Variants in SLC25A42 observed in about 807,000 individuals in gnomAD.
SLC25A42 encodes solute carrier family 25 member 42.
SLC25A42 carries 19 observed loss-of-function variants against 34.7 expected under a neutral mutation model. That is an observed-to-expected ratio of 0.55 (90% CI 0.38 to 0.80). The LOEUF (loss-of-function observed/expected upper bound fraction) is 0.80, where lower values mean the gene tolerates loss of function less well. Among genes scored for constraint, SLC25A42 ranks in the 30% least tolerant of loss-of-function variants. SLC25A42 has a pLI of 0.00. For synonymous variants in SLC25A42, 205 were observed against 191.2 expected (o/e 1.07, Z -0.59); for missense variants, 364 against 441.3 (o/e 0.82, Z 1.57).
At chr19:19,064,804 C>A (rs1204211773) in intron 1 of SLC25A42, among the ~76,000 whole-genome samples, 1 of 151,894 alleles carries the variant, frequency 6.6e-6, no homozygotes, top group African/African-American at 2.4e-5. Flanking sequence ...TCCCCCAGGT[C>A]CTCCAATAGT....
Position 19,081,977 on chromosome 19 carries a change from GGAGT to G in SLC25A42, c.-34-14111_-34-14108del, listed in dbSNP as rs2059684065. Among the ~76,000 whole-genome samples the G allele has an allele frequency of 6.6e-6, 1 of 152,142 alleles. No homozygotes were observed. The highest frequency in any genetic ancestry group is 6.5e-5 in the Admixed American group (1 of 15,272). On this transcript the variant is annotated intron_variant, in intron 1 of 7. Transcript: ENST00000318596. The surrounding 1 kb of genome is among the most constrained non-coding windows in gnomAD (Gnocchi z 4.5). ...GCAAGTCTGGGTACACGTTGTCATG[GGAGT>G]GATTGGCCTCCTGGGACCACTCCCA...
intron 6 of SLC25A42, chr19:19,106,658 CACGGTG>C (rs1187303721): frequency 1.3e-5 from 3 of 236,168 alleles, no homozygotes; most frequent in Non-Finnish European, 2.5e-5. Flanking sequence ...TACGGCCGGG[CACGGTG>C]GCTCACGCCT....
intron 5 of SLC25A42, 36 bp downstream of exon 5, chr19:19,105,763 C>T: frequency 1.4e-6 from 2 of 1,474,978 alleles, no homozygotes; most frequent in Non-Finnish European, 1.8e-6. Context: ...AGAATCGCCC[C>T]GCCCACGCCC....
At chr19:19,096,254 T>TGCGCCCCCCCCCCCCC in intron 2 of SLC25A42, 49 bp downstream of exon 2, 1 of 1,456,752 alleles carries the variant, frequency 6.9e-7, no homozygotes, top group Middle Eastern at 2.4e-4. Context: ...GGCCCCAGCC[T>TGCGCCCCCCCCCCCCC]CCCCACCCCC....
chr19:19,105,774 G>T (rs1364758335), intron 5 of SLC25A42, 47 bp downstream of exon 5: 21 of 1,112,828 alleles, frequency 1.9e-5, no homozygotes, highest in South Asian at 1.7e-4. Context: ...GCCCACGCCC[G>T]CCCCTCTCTC....
chr19:19,107,153 A>G (rs570600048), intron 6 of SLC25A42, among the ~76,000 whole-genome samples: 1 of 151,626 alleles, frequency 6.6e-6, no homozygotes, highest in Non-Finnish European at 1.5e-5. Context: ...CCCCATCTCT[A>G]CAAAAACTGA....
intron 1 of SLC25A42, among the ~76,000 whole-genome samples, chr19:19,088,528 C>T (rs562204065): frequency 1.3e-5 from 2 of 151,626 alleles, no homozygotes; most frequent in East Asian, 3.9e-4. Context: ...TCACTCTGGT[C>T]ACCCAGGCTG....
At chr19:19,099,644 G>A (rs1281531266) in intron 2 of SLC25A42, among the ~76,000 whole-genome samples, 2 of 152,138 alleles carry the variant, frequency 1.3e-5, no homozygotes, top group African/African-American at 2.4e-5. Flanking sequence ...TTACACCTGA[G>A]TAGTGCGCCA....
intron 1 of SLC25A42, among the ~76,000 whole-genome samples, chr19:19,093,636 T>C (rs923899777): frequency 6.6e-6 from 1 of 152,254 alleles, no homozygotes; most frequent in South Asian, 2.1e-4. Flanking sequence ...GGAGCAGTGG[T>C]CAGGGCTGCT....
intron 2 of SLC25A42, among the ~76,000 whole-genome samples, chr19:19,100,838 T>A (rs2059792694): frequency 6.6e-6 from 1 of 152,334 alleles, no homozygotes; most frequent in East Asian, 1.9e-4. Flanking sequence ...CGCAGATTCC[T>A]GGGAGTCACT....
chr19:19,106,557 G>C, intron 6 of SLC25A42, 172 bp downstream of exon 6: 1 of 534,852 alleles, frequency 1.9e-6, no homozygotes, highest in South Asian at 2.4e-5. Flanking sequence ...GCAGCAATTT[G>C]TTCTCTTAGC....
intron 1 of SLC25A42, among the ~76,000 whole-genome samples, chr19:19,078,275 T>C (rs761154793): frequency 8.5e-5 from 13 of 152,162 alleles, no homozygotes; most frequent in Non-Finnish European, 1.6e-4. Context: ...TGTGTCTCCC[T>C]ACAAGCACAG....
chr19:19,103,868 C>T (rs918935574), intron 3 of SLC25A42, among the ~76,000 whole-genome samples: 1 of 151,164 alleles, frequency 6.6e-6, no homozygotes, highest in Non-Finnish European at 1.5e-5. Flanking sequence ...AGCTGGCAGG[C>T]CTTCGAAAGG....
chr19:19,090,781 C>T (rs1043060239), intron 1 of SLC25A42, among the ~76,000 whole-genome samples: 3 of 152,216 alleles, frequency 2.0e-5, no homozygotes, highest in Non-Finnish European at 4.4e-5. Flanking sequence ...CCTCCAGGTA[C>T]AGGGGAGGCA....
chr19:19,089,064 C>G (rs2145910734), intron 1 of SLC25A42, among the ~76,000 whole-genome samples: 1 of 152,022 alleles, frequency 6.6e-6, no homozygotes, highest in African/African-American at 2.4e-5. Flanking sequence ...CTCCTTGGCC[C>G]AAAGTGCTGG....
chr19:19,083,920 C>A (rs1599672124), intron 1 of SLC25A42, among the ~76,000 whole-genome samples: 1 of 151,360 alleles, frequency 6.6e-6, no homozygotes, highest in Admixed American at 6.6e-5. Flanking sequence ...ACCTCCTGGG[C>A]CCTGCACACA....
chr19:19,074,961 G>A (rs2059649036), intron 1 of SLC25A42, among the ~76,000 whole-genome samples: 1 of 151,974 alleles, frequency 6.6e-6, no homozygotes, highest in Admixed American at 6.6e-5. Context: ...GACCAGCCTG[G>A]GCAGCGTAGC....
intron 2 of SLC25A42, 49 bp downstream of exon 2, chr19:19,096,254 T>TCGCCCCCCCCCCCCCCCCCCCCCCCCC: frequency 1.4e-6 from 2 of 1,456,748 alleles, no homozygotes; most frequent in Non-Finnish European, 9.4e-7. Flanking sequence ...GGCCCCAGCC[T>TCGCCCCCCCCCCCCCCCCCCCCCCCCC]CCCCACCCCC....
intron 2 of SLC25A42, among the ~76,000 whole-genome samples, chr19:19,099,145 C>T (rs985178779): frequency 3.3e-5 from 5 of 152,082 alleles, no homozygotes; most frequent in African/African-American, 7.2e-5. Flanking sequence ...AACAAGCGCC[C>T]GCAATTCTCA....
Sources: gnomAD v4.1 joint callset for allele counts (sites outside exome capture counted in the v4.1 genomes callset) on GRCh38, gnomAD v4.1.1 for gene constraint, Gnocchi (gnomAD v3.1) non-coding constraint, MANE v1.5 for transcripts, NCBI Gene and HGNC (gene_info 2026-07-23, HGNC 2026-07-21) for gene names.